Variants in KIFC3 observed in about 807,000 individuals in gnomAD.
KIFC3 encodes kinesin-like protein KIFC3.
KIFC3 carries 60 observed loss-of-function variants against 101.8 expected under a neutral mutation model. The observed-to-expected ratio is 0.59, with a 90% CI of 0.48 to 0.73. The LOEUF (loss-of-function observed/expected upper bound fraction) is 0.73, where lower values mean the gene tolerates loss of function less well. Ranked by LOEUF, KIFC3 falls within the 30% of genes least tolerant of loss-of-function variation. The pLI, the probability that KIFC3 is intolerant of heterozygous loss-of-function variation, is 0.00. For synonymous variants in KIFC3, 476 were observed against 482.7 expected (o/e 0.99, Z 0.18); for missense variants, 966 against 1,137.1 (o/e 0.85, Z 2.16).
chr16:57,774,506 C>A (rs2051756033), intron 3 of KIFC3, among the ~76,000 whole-genome samples: 1 of 151,738 alleles, frequency 6.6e-6, no homozygotes, highest in Admixed American at 6.6e-5. Flanking sequence ...TTGACAAAAT[C>A]TTTATGCTTT....
intron 1 of KIFC3, among the ~76,000 whole-genome samples, chr16:57,810,363 G>A (rs925422148): frequency 6.6e-6 from 1 of 152,232 alleles, no homozygotes; most frequent in Non-Finnish European, 1.5e-5. Context: ...GTGGTGCGCA[G>A]CCTCTCCCCT....
chr16:57,777,299 T>C (rs1237063154), intron 3 of KIFC3, among the ~76,000 whole-genome samples: 2 of 152,208 alleles, frequency 1.3e-5, no homozygotes, highest in African/African-American at 4.8e-5. Flanking sequence ...TTCAATGCAA[T>C]GCCTAACAAA....
chr16:57,765,531 G>A lies in KIFC3; in HGVS notation c.1440C>T (p.His480=), dbSNP rs144222779. Residue 480 remains histidine, a synonymous_variant, in exon 11 of 20, where the codon CAC becomes CAT. Coordinates refer to ENST00000445690, the MANE Select transcript of KIFC3 (RefSeq NM_001130100.2). ...ACACAGGCTTGCCCTTGTGCAGCAG[G>A]TGGATGATGGAGTCGTCGTCGGCAT... is the stretch of plus-strand genomic sequence containing the variant. ...TFDADDDSII[H]LLHKGKPVSF... 9 of 1,596,266 alleles carry A rather than the reference G, an allele frequency of 5.6e-6. No homozygotes were observed. Among genetic ancestry groups the A allele is most frequent in the Non-Finnish European group, 6.8e-6 (8 of 1,170,824 alleles).
intron 18 of KIFC3, 180 bp downstream of exon 18, chr16:57,759,548 G>A (rs2049563670): frequency 1.7e-6 from 1 of 592,824 alleles, no homozygotes; most frequent in East Asian, 2.8e-5. Context: ...CTGCAGAACG[G>A]ACACAGCACT....
intron 1 of KIFC3, among the ~76,000 whole-genome samples, chr16:57,841,788 A>AGCT (rs1351341477): frequency 6.6e-6 from 1 of 152,130 alleles, no homozygotes; most frequent in Non-Finnish European, 1.5e-5. Flanking sequence ...CCAGCTCTCC[A>AGCT]GCTGCATGAG....
At position 57,763,632 on chromosome 16, in the gene KIFC3, G is replaced by A. The variant is rs376534733; in HGVS notation, c.1617+511C>T. ...GCTCCACCACACCTGGGAGGGTGCC[G>A]GTGACGAGCAGGGAGAGGAAGCCTT... On this transcript the variant is annotated intron_variant, in intron 12 of 19. Coordinates refer to ENST00000445690, the MANE Select transcript of KIFC3 (RefSeq NM_001130100.2). Among the ~76,000 whole-genome samples the A allele has an allele frequency of 5.3e-5, 8 of 152,240 alleles. No homozygotes were observed. The East Asian group carries it at 5.8e-4, about 11-fold the overall frequency.
chr16:57,792,496 C>A (rs2053957098), intron 3 of KIFC3, among the ~76,000 whole-genome samples: 1 of 152,164 alleles, frequency 6.6e-6, no homozygotes, highest in African/African-American at 2.4e-5. Context: ...GAACACAGCA[C>A]AGATATTTGT....
intron 3 of KIFC3, chr16:57,782,113 C>G: frequency 1.0e-6 from 1 of 985,534 alleles, no homozygotes; most frequent in Non-Finnish European, 1.2e-6. Flanking sequence ...GTGAGGCCAG[C>G]AGGAGACCAG....
chr16:57,794,987 C>T lies in KIFC3; in HGVS notation c.315+12G>A, dbSNP rs538870137. On this transcript the variant is annotated intron_variant, in intron 3 of 19. Coordinates refer to ENST00000445690, the MANE Select transcript of KIFC3 (RefSeq NM_001130100.2). ...CCAAGGCACATGCAGCCTGGAAGGCCCCAGTGCTTACCTGCAGGGTCAGGT... is the reference window on the plus strand; with the variant it reads ...CCAAGGCACATGCAGCCTGGAAGGCTCCAGTGCTTACCTGCAGGGTCAGGT... The T allele has an allele frequency of 1.7e-5, 26 of 1,556,166 alleles. 1 individual carries two copies. In the South Asian group the frequency reaches 3.1e-4, roughly 19 times the overall value.
chr16:57,830,236 CTTT>C (rs34842791), intron 1 of KIFC3, among the ~76,000 whole-genome samples: 2 of 119,316 alleles, frequency 1.7e-5, no homozygotes, highest in Admixed American at 9.2e-5. Context: ...TTTTTTCTTT[CTTT>C]TTTTTTTTTT....
At chr16:57,834,212 T>C (rs2055643026) in intron 1 of KIFC3, among the ~76,000 whole-genome samples, 1 of 152,176 alleles carries the variant, frequency 6.6e-6, no homozygotes, top group Non-Finnish European at 1.5e-5. Context: ...CAACACATTA[T>C]CAAATAAATT....
intron 3 of KIFC3, among the ~76,000 whole-genome samples, chr16:57,788,273 G>A (rs1369248192): frequency 6.6e-6 from 1 of 152,148 alleles, no homozygotes; most frequent in African/African-American, 2.4e-5. Context: ...ACAGGCACTG[G>A]GAAAAAACAA....
chr16:57,855,467 T>A (rs12445530), intron 1 of KIFC3, among the ~76,000 whole-genome samples: 1 of 151,604 alleles, frequency 6.6e-6, no homozygotes, highest in African/African-American at 2.4e-5. Flanking sequence ...ATATTTAAAC[T>A]GAATGAAAGC....
chr16:57,808,821 ATGAGAGTAGGGC>A (rs1396745053), intron 1 of KIFC3, among the ~76,000 whole-genome samples: 1 of 152,186 alleles, frequency 6.6e-6, no homozygotes, highest in Non-Finnish European at 1.5e-5. Flanking sequence ...TCCTGTGAAA[ATGAGAGTAGGGC>A]TAGTGTCTAA....
intron 2 of KIFC3, 188 bp downstream of exon 2, chr16:57,797,884 G>A (rs2054466134): frequency 7.5e-6 from 11 of 1,468,116 alleles, no homozygotes; most frequent in South Asian, 4.3e-5. Context: ...AGACAGGGGC[G>A]CAGGGAAGGA....
At position 57,795,174 on chromosome 16, in the gene KIFC3, C is replaced by G; in HGVS notation, c.173-33G>C. The stretch of plus-strand genomic sequence containing the variant: ...AGGACAGAGAGATAGGTGAGACACT[C>G]CGACCACTGGCCAAAGACTGCTAGC... On this transcript the variant is annotated intron_variant, in intron 2 of 19. Coordinates refer to ENST00000445690, the MANE Select transcript of KIFC3 (RefSeq NM_001130100.2). 1.9e-6 allele frequency: 3 copies of G among 1,597,316 alleles called. No individual in the cohort carries two copies. The Admixed American group carries it at 5.3e-5, about 28-fold the overall frequency.
intron 1 of KIFC3, among the ~76,000 whole-genome samples, chr16:57,859,879 A>T (rs2056256466): frequency 6.6e-6 from 1 of 151,226 alleles, no homozygotes; most frequent in Admixed American, 6.6e-5. Context: ...AAAATTAGCC[A>T]GGTGTGGTGG....
chr16:57,848,266 T>A (rs2055978388), intron 1 of KIFC3, among the ~76,000 whole-genome samples: 1 of 152,198 alleles, frequency 6.6e-6, no homozygotes, highest in Non-Finnish European at 1.5e-5. Context: ...GTTTTTATGA[T>A]CAAGCAAACA....
intron 10 of KIFC3, 46 bp downstream of exon 10, chr16:57,766,828 C>T (rs781804985): frequency 2.1e-5 from 30 of 1,399,894 alleles, no homozygotes; most frequent in South Asian, 3.6e-5. Context: ...CAAGCCAGGT[C>T]GAGGACCCCG....
Sources: allele counts gnomAD v4.1 joint callset (sites outside exome capture counted in the v4.1 genomes callset), GRCh38; gene constraint gnomAD v4.1.1; transcripts MANE v1.5; gene names NCBI Gene and HGNC (gene_info 2026-07-23, HGNC 2026-07-21).